The following PTPN11 variants were observed in gnomAD, a reference collection of about 807,000 sequenced individuals.
The protein encoded by PTPN11 is tyrosine-protein phosphatase non-receptor type 11.
Under a neutral mutation model 78.8 loss-of-function variants are expected in PTPN11, and 6 were observed. The observed-to-expected ratio is 0.08, with a 90% CI of 0.04 to 0.15. PTPN11 has a LOEUF of 0.15. Ranked by LOEUF, PTPN11 falls within the 10% of genes least tolerant of loss-of-function variation. PTPN11 has a pLI of 1.00. For missense variants in PTPN11, 386 were observed against 744.8 expected (o/e 0.52, Z 5.61); for synonymous variants, 221 against 263.5 (o/e 0.84, Z 1.56).
intron 1 of PTPN11, among the ~76,000 whole-genome samples, chr12:112,442,828 T>C (rs866846239): frequency 1.3e-4 from 7 of 54,996 alleles, no homozygotes; most frequent in Non-Finnish European, 1.8e-4. Context: ...CTCTCTCTCT[T>C]TTTATATATA....
chr12:112,500,086 A>T (rs546004060), intron 13 of PTPN11, among the ~76,000 whole-genome samples: 1 of 152,264 alleles, frequency 6.6e-6, no homozygotes, highest in Admixed American at 6.5e-5. Flanking sequence ...TCTACTAAAA[A>T]TACAAAAATA....
chr12:112,472,894 T>C (rs751001606), intron 6 of PTPN11, 50 bp from the exon 7 acceptor site: 2 of 1,430,710 alleles, frequency 1.4e-6, no homozygotes, highest in Non-Finnish European at 2.0e-6. Context: ...CTTTTTTCTT[T>C]TTCTGTGACT....
intron 10 of PTPN11, among the ~76,000 whole-genome samples, chr12:112,485,971 ACT>A (rs1180123062): frequency 6.8e-6 from 1 of 146,706 alleles, no homozygotes; most frequent in Non-Finnish European, 1.5e-5. Context: ...ACAGAGTAAG[ACT>A]CTGTCTTGGA....
rs267606990 is a variant in PTPN11, at chr12:112,419,116, C to T, written c.5C>T (p.Thr2Ile). Residue 2 changes from threonine to isoleucine, a missense_variant, in exon 1 of 16, where the codon ACA (threonine) becomes ATA (isoleucine). Physicochemically the swap from Thr to Ile is moderately conservative, Grantham distance 89 (BLOSUM62 -1). This residue lies in a region of PTPN11 where 279 missense variants were observed against 503.3 expected (regional missense o/e 0.55). Transcript: ENST00000351677. Reference sequence around the variant, plus strand: ...GAGCCGGAGGGCGGGAGGAACATGACATCGCGGAGGTGAGGAGCCCCGAGG... The same window carrying T: ...GAGCCGGAGGGCGGGAGGAACATGATATCGCGGAGGTGAGGAGCCCCGAGG... M[T>I]SRRWFHPNIT... 4 of 1,528,266 alleles carry T rather than the reference C, an allele frequency of 2.6e-6. No individual in the cohort carries two copies. Among genetic ancestry groups the T allele is most frequent in the Non-Finnish European group, 2.6e-6 (3 of 1,140,260 alleles). 94.7% of individuals were successfully genotyped at this position (1,528,266 alleles called of 1,614,324 possible).
chr12:112,498,663 T>C (rs1412104874), intron 13 of PTPN11, among the ~76,000 whole-genome samples: 2 of 152,254 alleles, frequency 1.3e-5, no homozygotes, highest in Non-Finnish European at 1.5e-5. Context: ...GTTACTGTGC[T>C]GTGACGTTGA....
intron 6 of PTPN11, among the ~76,000 whole-genome samples, chr12:112,468,775 A>G (rs2038368158): frequency 6.6e-6 from 1 of 152,184 alleles, no homozygotes; most frequent in African/African-American, 2.4e-5. Flanking sequence ...AGGATAAGGA[A>G]AGCGCAGGAC....
intron 6 of PTPN11, among the ~76,000 whole-genome samples, chr12:112,467,412 G>A (rs1272399212): frequency 6.6e-6 from 1 of 152,164 alleles, no homozygotes; most frequent in Non-Finnish European, 1.5e-5. Context: ...GGAAGCTTCC[G>A]GTCATAGTGG....
intron 14 of PTPN11, 57 bp downstream of exon 14, chr12:112,502,313 AAAAAACAAAAAC>A: frequency 7.0e-7 from 1 of 1,424,572 alleles, no homozygotes; most frequent in Admixed American, 1.7e-5. Flanking sequence ...AAAAAGGTTT[AAAAAACAAAAAC>A]AAAAACAAAA....
chr12:112,443,206 A>G (rs1327501002), intron 1 of PTPN11, among the ~76,000 whole-genome samples: 1 of 152,046 alleles, frequency 6.6e-6, no homozygotes, highest in Non-Finnish European at 1.5e-5. Flanking sequence ...AGACAAAACA[A>G]CAACAAAAAC....
intron 6 of PTPN11, among the ~76,000 whole-genome samples, chr12:112,461,601 A>T (rs1479203967): frequency 6.6e-6 from 1 of 152,090 alleles, no homozygotes; most frequent in Non-Finnish European, 1.5e-5. Context: ...AGCTGGGACT[A>T]CAGGCACATA....
intron 13 of PTPN11, among the ~76,000 whole-genome samples, chr12:112,493,658 A>G (rs911153453): frequency 7.9e-5 from 12 of 151,924 alleles, no homozygotes; most frequent in African/African-American, 2.9e-4. Context: ...CAAAGTACTG[A>G]GATTACAGGC....
chr12:112,447,689 G>A (rs985230123), intron 2 of PTPN11, among the ~76,000 whole-genome samples: 38 of 151,204 alleles, frequency 2.5e-4, no homozygotes, highest in African/African-American at 9.0e-4. Context: ...TAGTAGAGAT[G>A]GGGTTTCACC....
At chr12:112,477,425 A>G (rs943119554) in intron 7 of PTPN11, among the ~76,000 whole-genome samples, 1 of 152,230 alleles carries the variant, frequency 6.6e-6, no homozygotes, top group African/African-American at 2.4e-5. Flanking sequence ...AACATCCTAT[A>G]TACCCATAGT....
chr12:112,503,741 C>G (rs1035345206), intron 14 of PTPN11, among the ~76,000 whole-genome samples: 1 of 152,170 alleles, frequency 6.6e-6, no homozygotes, highest in Non-Finnish European at 1.5e-5. Flanking sequence ...CTGTGACAGA[C>G]AGCCTGTCTG....
intron 6 of PTPN11, among the ~76,000 whole-genome samples, chr12:112,467,035 C>T (rs1434603562): frequency 6.6e-6 from 1 of 152,106 alleles, no homozygotes; most frequent in African/African-American, 2.4e-5. Flanking sequence ...GCTGCTGCTC[C>T]TGGCATTTAG....
chr12:112,500,374 C>T (rs771758297), intron 13 of PTPN11, among the ~76,000 whole-genome samples: 5 of 152,126 alleles, frequency 3.3e-5, no homozygotes, highest in Admixed American at 6.5e-5. Flanking sequence ...TAAACATTTA[C>T]GACTGCTATT....
chr12:112,509,010 A>G lies in PTPN11; in HGVS notation c.*3218A>G, dbSNP rs2038969060. ...GGATGTGGAAAGGTTTGCAATTGTC[A>G]AGTGTTTTGTTGTAGCTTAGTATCC... On this transcript the variant is annotated 3_prime_UTR_variant, in exon 16 of 16. Transcript: ENST00000351677. The G allele has an allele frequency of 6.6e-6, 1 of 152,238 alleles. No individual in the cohort carries two copies. The highest frequency in any genetic ancestry group is 2.4e-5 in the African/African-American group (1 of 41,464). The allele number at this position is 152,238 out of a possible 1,614,324, so 9.4% of individuals were successfully genotyped here.
intron 2 of PTPN11, among the ~76,000 whole-genome samples, chr12:112,450,086 CAAA>C (rs369558589): frequency 5.4e-5 from 5 of 92,060 alleles, no homozygotes; most frequent in Non-Finnish European, 4.6e-5. Flanking sequence ...AACTCCATCT[CAAA>C]AAAAAAAAAA....
intron 13 of PTPN11, among the ~76,000 whole-genome samples, chr12:112,501,300 A>G (rs1028641855): frequency 6.6e-6 from 1 of 152,162 alleles, no homozygotes; most frequent in Non-Finnish European, 1.5e-5. Context: ...TTTCCCCCCC[A>G]GGGTATCATC....
Sources: gnomAD v4.1 joint callset for allele counts (sites outside exome capture counted in the v4.1 genomes callset) on GRCh38, gnomAD v4.1.1 for gene constraint, gnomAD v4.1.1 regional missense constraint, MANE v1.5 for transcripts, NCBI Gene and HGNC (gene_info 2026-07-23, HGNC 2026-07-21) for gene names.